The following DOCK9 variants were observed in gnomAD, a reference collection of about 807,000 sequenced individuals.
DOCK9 encodes dedicator of cytokinesis 9.
Under a neutral mutation model 263.3 loss-of-function variants are expected in DOCK9, and 89 were observed. The observed-to-expected ratio is 0.34, with a 90% confidence interval of 0.28 to 0.40. The LOEUF (loss-of-function observed/expected upper bound fraction) is 0.40. Among genes scored for constraint, DOCK9 ranks in the 10% least tolerant of loss-of-function variants. The probability of loss-of-function intolerance (pLI) is 1.00; values close to 1 mark genes in which losing one functional copy is unlikely to be tolerated. For missense variants in DOCK9, 2,140 were observed against 2,603.4 expected (o/e 0.82, Z 3.87); for synonymous variants, 976 against 973.1 (o/e 1.00, Z -0.06).
intron 1 of DOCK9, chr13:99,015,694 C>T (rs1405798937): frequency 2.5e-5 from 37 of 1,459,312 alleles, no homozygotes; most frequent in Non-Finnish European, 3.3e-5. Flanking sequence ...CAGGCTCCCA[C>T]TGTACCATCT....
At chr13:98,824,903 T>C (rs1193721319) in intron 44 of DOCK9, among the ~76,000 whole-genome samples, 2 of 152,298 alleles carry the variant, frequency 1.3e-5, no homozygotes, top group East Asian at 3.9e-4. Context: ...AAATGTATGA[T>C]TCAAAAAGAA....
At chr13:99,046,260 T>G (rs1157969693) in intron 1 of DOCK9, among the ~76,000 whole-genome samples, 1 of 151,766 alleles carries the variant, frequency 6.6e-6, no homozygotes, top group East Asian at 1.9e-4. Flanking sequence ...TGGCATATCT[T>G]CACTTGGAAG....
At chr13:98,801,207 C>A (rs1415921987) in intron 49 of DOCK9, among the ~76,000 whole-genome samples, 1 of 152,144 alleles carries the variant, frequency 6.6e-6, no homozygotes, top group African/African-American at 2.4e-5. Flanking sequence ...GAGGCTTGAG[C>A]CCAGGAGGTC....
intron 27 of DOCK9, among the ~76,000 whole-genome samples, chr13:98,875,040 T>A (rs141582032): frequency 1.1e-4 from 16 of 152,318 alleles, no homozygotes; most frequent in African/African-American, 3.6e-4. Context: ...GATTGTGGTA[T>A]CCTGCAAGGC....
chr13:98,867,985 G>C lies in DOCK9; in HGVS notation c.3117C>G (p.Gly1039=). 6.2e-7 allele frequency: 1 copy of C among 1,613,682 alleles called. No homozygotes were observed. The highest frequency in any genetic ancestry group is 8.5e-7 in the Non-Finnish European group (1 of 1,179,792). ...AGTTGTTGATCTGCTTGAAGACAAA[G>C]CCCCTGTCCATGAAGGTGAAACATC... The part of the protein sequence containing the change: ...IKRCFTFMDR[G]FVFKQINNYI... Residue 1039 remains glycine, a synonymous_variant, in exon 29 of 53, where the codon GGC becomes GGG. Coordinates refer to ENST00000682017, the MANE Select transcript of DOCK9 (RefSeq NM_001366683.2).
intron 39 of DOCK9, 30 bp from the exon 40 acceptor site, chr13:98,831,816 A>C: frequency 6.2e-7 from 1 of 1,610,048 alleles, no homozygotes; most frequent in Non-Finnish European, 8.5e-7. Flanking sequence ...GCTTTGTTAG[A>C]CATACCAGTC....
At chr13:98,913,414 G>C (rs1394810134) in intron 9 of DOCK9, among the ~76,000 whole-genome samples, 1 of 152,090 alleles carries the variant, frequency 6.6e-6, no homozygotes, top group African/African-American at 2.4e-5. Context: ...TTGTAGCTTT[G>C]TTTATAATAG....
chr13:98,799,609 T>C (rs541379947), intron 50 of DOCK9, among the ~76,000 whole-genome samples: 28 of 152,352 alleles, frequency 1.8e-4, no homozygotes, highest in Middle Eastern at 6.8e-3. Flanking sequence ...AGATCAAAGA[T>C]GATCTTTTCA....
chr13:98,968,391 CA>C (rs1258779575), intron 1 of DOCK9, among the ~76,000 whole-genome samples: 1 of 152,222 alleles, frequency 6.6e-6, no homozygotes, highest in Admixed American at 6.5e-5. Context: ...GAAGCTGAGG[CA>C]GGGGTATCAC....
chr13:99,006,520 T>C (rs1567198607), intron 1 of DOCK9, among the ~76,000 whole-genome samples: 2 of 152,224 alleles, frequency 1.3e-5, no homozygotes, highest in East Asian at 3.8e-4. Context: ...TTAAATCATG[T>C]TTTAGCAGAA....
intron 4 of DOCK9, among the ~76,000 whole-genome samples, chr13:98,924,443 C>T (rs928064170): frequency 6.6e-6 from 1 of 152,176 alleles, no homozygotes; most frequent in African/African-American, 2.4e-5. Flanking sequence ...AAAACATAAT[C>T]CATCACTATT....
chr13:98,975,205 C>T (rs1422949011), intron 1 of DOCK9, among the ~76,000 whole-genome samples: 1 of 152,010 alleles, frequency 6.6e-6, no homozygotes, highest in African/African-American at 2.4e-5. Context: ...ATGATGAAAC[C>T]CTGTCCCTAC....
intron 1 of DOCK9, among the ~76,000 whole-genome samples, chr13:99,038,288 C>CCGCTTTTTTTTTTTTTTTTTTTTTTTT (rs1888110933): frequency 1.2e-5 from 1 of 86,264 alleles, no homozygotes. Context: ...TTATGCCCCC[C>CCGCTTTTTTTTTTTTTTTTTTTTTTTT]TTTTTTTTTT....
intron 1 of DOCK9, among the ~76,000 whole-genome samples, chr13:99,056,534 TA>T (rs1566366004): frequency 6.6e-6 from 1 of 152,160 alleles, no homozygotes; most frequent in Non-Finnish European, 1.5e-5. Flanking sequence ...CAGACTTGGC[TA>T]AAAAACCAGC....
chr13:98,863,355 T>C lies in DOCK9; in HGVS notation c.3465+15A>G, dbSNP rs763705803. 3.0e-5 allele frequency: 48 copies of C among 1,608,144 alleles called. No individual in the cohort carries two copies. Among genetic ancestry groups the C allele is most frequent in the Middle Eastern group, 1.7e-4 (1 of 6,044 alleles). On this transcript the variant is annotated intron_variant, in intron 31 of 52. Transcript: ENST00000682017. ...ACATTATCAATGCACATTCCTTCCA[T>C]TGGGGACCACTCACCCTTGAAGCAT...
intron 27 of DOCK9, among the ~76,000 whole-genome samples, chr13:98,875,889 T>C (rs540211148): frequency 2.0e-5 from 3 of 152,306 alleles, no homozygotes; most frequent in African/African-American, 7.2e-5. Context: ...AATGTAACAA[T>C]GTACAGTTTG....
rs1467886158 is a variant in DOCK9 at position 98,902,930 on chromosome 13, CCTA to C, written c.1176+39_1176+41del. 4.4e-6 allele frequency: 6 copies of C among 1,366,156 alleles called. No homozygotes were observed. The South Asian group carries it at 9.2e-5, about 21-fold the overall frequency. The allele number at this position is 1,366,156 out of a possible 1,614,324, so 84.6% of individuals were successfully genotyped here. On this transcript the variant is annotated intron_variant, in intron 11 of 52. Transcript: ENST00000682017. The stretch of plus-strand genomic sequence containing the variant: ...TGTAAAGGTACATCTGAAACCTCTG[CCTA>C]TTTTTTTTTTAATGTTTATTTTTAA...
intron 1 of DOCK9, among the ~76,000 whole-genome samples, chr13:98,964,370 T>G (rs1222197835): frequency 6.6e-6 from 1 of 151,918 alleles, no homozygotes; most frequent in Non-Finnish European, 1.5e-5. Context: ...GGACCCCAAT[T>G]ATGTGGGGTG....
chr13:98,866,739 C>A (rs925408361), intron 30 of DOCK9, among the ~76,000 whole-genome samples: 3 of 152,124 alleles, frequency 2.0e-5, no homozygotes, highest in Non-Finnish European at 2.9e-5. Context: ...TTGATTACTG[C>A]CACCACTATG....
Sources: gnomAD v4.1 joint callset for allele counts (sites outside exome capture counted in the v4.1 genomes callset) on GRCh38, gnomAD v4.1.1 for gene constraint, MANE v1.5 for transcripts, NCBI Gene and HGNC (gene_info 2026-07-23, HGNC 2026-07-21) for gene names.